Variants in SHOC1 observed in about 807,000 individuals in gnomAD.
The protein encoded by SHOC1 is protein shortage in chiasmata 1 ortholog.
In SHOC1, 136 loss-of-function variants were observed where a neutral mutation model predicts 179.2. That is an observed-to-expected ratio of 0.76 (90% CI 0.66 to 0.87). The LOEUF is 0.87. SHOC1 is among the 40% of genes least tolerant of loss of function. The pLI, the probability that SHOC1 is intolerant of heterozygous loss-of-function variation, is 0.00. For synonymous variants in SHOC1, 489 were observed against 586.6 expected, an observed-to-expected ratio of 0.83 and a Z score of 2.41; for missense variants, 1,538 against 1,700.8, an observed-to-expected ratio of 0.90 and a Z score of 1.68.
chr9:111,687,020 A>C lies in SHOC1; in HGVS notation c.4427-150T>G, dbSNP rs1238302929. The C allele has an allele frequency of 2.4e-5, 10 of 410,098 alleles. 1 individual carries two copies. Among genetic ancestry groups the C allele is most frequent in the Non-Finnish European group, 3.0e-5 (7 of 235,038 alleles). The allele number at this position is 410,098 out of a possible 1,614,324, so 25.4% of individuals were successfully genotyped here. On this transcript the variant is annotated intron_variant, in intron 27 of 27. Coordinates refer to ENST00000682961, the MANE Select transcript of SHOC1 (RefSeq NM_001378211.1). ...GAGTGTAGTGGCGCAATCTCGGCTCACTTGCAACATCTGCCTCCTGGGTTC... is the reference window on the plus strand; with the variant it reads ...GAGTGTAGTGGCGCAATCTCGGCTCCCTTGCAACATCTGCCTCCTGGGTTC...
chr9:111,757,692 A>AT (rs1834930888), intron 7 of SHOC1, among the ~76,000 whole-genome samples: 1 of 152,172 alleles, frequency 6.6e-6, no homozygotes, highest in Non-Finnish European at 1.5e-5. Context: ...CTCAAGTACT[A>AT]TTTTTTGTGT....
At chr9:111,710,931 G>A (rs1406342267) in intron 18 of SHOC1, among the ~76,000 whole-genome samples, 4 of 152,120 alleles carry the variant, frequency 2.6e-5, no homozygotes, top group Non-Finnish European at 5.9e-5. Flanking sequence ...AGCTTATAGA[G>A]GGAAGAGAAA....
At chr9:111,781,750 A>AAATTAATAAATAAATTAATTAATTAATT (rs1554724111) in intron 3 of SHOC1, among the ~76,000 whole-genome samples, 1 of 150,892 alleles carries the variant, frequency 6.6e-6, no homozygotes, top group African/African-American at 2.4e-5. Flanking sequence ...ATAAATAAAT[A>AAATTAATAAATAAATTAATTAATTAATT]AATTTGTATG....
intron 2 of SHOC1, among the ~76,000 whole-genome samples, chr9:111,788,125 G>A (rs1299297588): frequency 1.4e-5 from 2 of 141,256 alleles, no homozygotes; most frequent in African/African-American, 5.3e-5. Flanking sequence ...GGAGTGCAGT[G>A]GCGTGGTCTC....
At chr9:111,715,557 C>A (rs1053383374) in intron 16 of SHOC1, among the ~76,000 whole-genome samples, 1 of 152,050 alleles carries the variant, frequency 6.6e-6, no homozygotes, top group Non-Finnish European at 1.5e-5. Context: ...CCCTGAAATT[C>A]TTTTGTGTAG....
chr9:111,775,753 A>G (rs1183795140), intron 5 of SHOC1, 38 bp downstream of exon 5: 19 of 1,543,528 alleles, frequency 1.2e-5, no homozygotes, highest in Non-Finnish European at 1.7e-5. Context: ...GTATATCAGT[A>G]AGAAATGTTT....
intron 5 of SHOC1, among the ~76,000 whole-genome samples, chr9:111,770,783 G>A (rs181306611): frequency 1.2e-3 from 184 of 152,102 alleles, no homozygotes; most frequent in Non-Finnish European, 2.3e-3. Flanking sequence ...GATCATCTTT[G>A]TCTCTTTTTA....
At chr9:111,719,329 T>C (rs1321615367) in intron 15 of SHOC1, among the ~76,000 whole-genome samples, 3 of 152,196 alleles carry the variant, frequency 2.0e-5, no homozygotes, top group Non-Finnish European at 4.4e-5. Context: ...GAATATTAAG[T>C]ATAACAACTA....
intron 18 of SHOC1, among the ~76,000 whole-genome samples, chr9:111,709,336 CA>C (rs1021280940): frequency 3.9e-4 from 59 of 152,000 alleles, no homozygotes; most frequent in Admixed American, 9.2e-4. Context: ...GAGTGAAACT[CA>C]AAAAAACAAA....
chr9:111,696,021 G>A (rs1163621851), intron 24 of SHOC1, among the ~76,000 whole-genome samples: 6 of 152,126 alleles, frequency 3.9e-5, no homozygotes, highest in Non-Finnish European at 8.8e-5. Context: ...TTATGATGGC[G>A]ATAATGACAA....
chr9:111,698,652 G>A (rs996429104), intron 24 of SHOC1, among the ~76,000 whole-genome samples: 12 of 150,158 alleles, frequency 8.0e-5, no homozygotes, highest in South Asian at 2.1e-4. Flanking sequence ...TCTTAAAGGA[G>A]GTAGCGCGTT....
intron 5 of SHOC1, among the ~76,000 whole-genome samples, chr9:111,763,347 T>G (rs1480237941): frequency 6.6e-6 from 1 of 152,038 alleles, no homozygotes; most frequent in Non-Finnish European, 1.5e-5. Flanking sequence ...CAGCCTAATA[T>G]ATAACAATAG....
At chr9:111,703,859 T>C in intron 22 of SHOC1, 22 bp downstream of exon 22, 4 of 1,215,118 alleles carry the variant, frequency 3.3e-6, no homozygotes, top group African/African-American at 1.5e-5. Flanking sequence ...TTTTAGTTTA[T>C]ATATTTTCTA....
intron 18 of SHOC1, 21 bp downstream of exon 18, chr9:111,713,079 G>C (rs758237726): frequency 1.1e-4 from 156 of 1,400,438 alleles, no homozygotes; most frequent in Non-Finnish European, 1.5e-4. Flanking sequence ...ATCAAATGAA[G>C]CATAATTTAA....
Position 111,746,309 on chromosome 9 carries a change from A to G in SHOC1, c.1004T>C (p.Leu335Pro). ...ATTCACTGAAGAATGTTGGCATGTT[A>G]GGAATAGAGGAGTTAGTGGCATTTC... ...ELEMPLTPLF[L>P]TCQHSSVNSL... The change falls in exon 10 of 28, where the codon CTA (leucine) becomes CCA (proline). Residue 335 changes from leucine to proline, a missense_variant. Transcript: ENST00000682961. 6.2e-7 allele frequency: 1 copy of G among 1,611,212 alleles called. No homozygotes were observed.
intron 3 of SHOC1, 177 bp from the exon 4 acceptor site, chr9:111,781,194 A>AC (rs1381669411): frequency 1.7e-6 from 1 of 571,992 alleles, no homozygotes; most frequent in Non-Finnish European, 3.1e-6. Flanking sequence ...TCATCAACCT[A>AC]CCCCCGCCCC....
intron 1 of SHOC1, among the ~76,000 whole-genome samples, chr9:111,791,728 A>G (rs1045735552): frequency 1.3e-5 from 2 of 152,096 alleles, no homozygotes; most frequent in Non-Finnish European, 2.9e-5. Context: ...AAGAGGTTGA[A>G]ATTTACAAGA....
Position 111,703,312 on chromosome 9 carries a change from G to T in SHOC1, c.2967+569C>A, listed in dbSNP as rs148516797. ...TTTATACTGCATATCATCAAACCTG[G>T]TTTCTGCTCCCACTCCCACCCCAAT... On this transcript the variant is annotated intron_variant, in intron 22 of 27. Coordinates refer to ENST00000682961, the MANE Select transcript of SHOC1 (RefSeq NM_001378211.1). Among the ~76,000 whole-genome samples, 156 of 152,092 alleles carry T rather than the reference G, an allele frequency of 1.0e-3. 2 individuals are homozygous for T. The East Asian group carries it at 0.025, about 24-fold the overall frequency.
Position 111,765,022 on chromosome 9 carries a change from TC to T in SHOC1, c.443-6175del, listed in dbSNP as rs538174518. Among the ~76,000 whole-genome samples, 580 of 151,842 alleles carry T rather than the reference TC, an allele frequency of 3.8e-3. 6 individuals are homozygous for T. The highest frequency in any genetic ancestry group is 0.013 in the African/African-American group (557 of 41,388). On this transcript the variant is annotated intron_variant, in intron 5 of 27. Transcript: ENST00000682961. ...TGGACATGGTGGCGCATGCCTATAA[TC>T]CTAGCTACCTGGGAGGCTGAGGCGG...
Sources: gnomAD v4.1 joint callset for allele counts (sites outside exome capture counted in the v4.1 genomes callset) on GRCh38, gnomAD v4.1.1 for gene constraint, MANE v1.5 for transcripts, NCBI Gene and HGNC (gene_info 2026-07-23, HGNC 2026-07-21) for gene names.